CYB5A: variants seen among roughly 807,000 people sequenced by gnomAD.
CYB5A encodes the protein cytochrome b5 type A.
In CYB5A, 10 loss-of-function variants were observed where a neutral mutation model predicts 16.2. The observed-to-expected ratio is 0.62, with a 90% CI of 0.38 to 1.04. CYB5A has a LOEUF of 1.04. Among genes scored for constraint, CYB5A ranks in the 50% least tolerant of loss-of-function variants. CYB5A has a pLI of 0.01. For synonymous variants in CYB5A, 62 were observed against 57.0 expected, an observed-to-expected ratio of 1.09 and a Z score of -0.40; for missense variants, 161 against 165.9, an observed-to-expected ratio of 0.97 and a Z score of 0.16.
chr18:74,253,135 G>A lies in CYB5A; in HGVS notation c.*449C>T, dbSNP rs569468980. On this transcript the variant is annotated 3_prime_UTR_variant, in exon 5 of 5. Transcript: ENST00000340533. ...AGCATACAATACATGGTTACTCAAT[G>A]AGATGTGACGATGTGAAAGGAGACA... 9.8e-6 allele frequency: 2 copies of A among 203,282 alleles called. No homozygotes were observed. The highest frequency in any genetic ancestry group is 4.7e-5 in the African/African-American group (2 of 42,194). The allele number at this position is 203,282 out of a possible 1,614,324, so 12.6% of individuals were successfully genotyped here.
intron 1 of CYB5A, among the ~76,000 whole-genome samples, chr18:74,284,968 C>G (rs1177600918): frequency 6.6e-6 from 1 of 152,200 alleles, no homozygotes; most frequent in Non-Finnish European, 1.5e-5. Context: ...CTCACCCTCC[C>G]GGTCCCCATG....
At chr18:74,283,096 C>T (rs988205893) in intron 1 of CYB5A, among the ~76,000 whole-genome samples, 5 of 152,138 alleles carry the variant, frequency 3.3e-5, no homozygotes, top group African/African-American at 1.2e-4. Flanking sequence ...GAGGCCACAC[C>T]AGGGCATCTG....
chr18:74,255,939 C>A, intron 3 of CYB5A, 164 bp from the exon 4 acceptor site: 1 of 611,514 alleles, frequency 1.6e-6, no homozygotes, highest in Non-Finnish European at 2.9e-6. Context: ...AAATGCCTAA[C>A]TTTGTTTTCT....
At chr18:74,285,874 G>A (rs1983300662) in intron 1 of CYB5A, among the ~76,000 whole-genome samples, 1 of 149,148 alleles carries the variant, frequency 6.7e-6, no homozygotes, top group Non-Finnish European at 1.5e-5. Context: ...AAGTAGAAGT[G>A]TACATCCTTT....
At chr18:74,266,554 AG>A (rs1982443244) in intron 1 of CYB5A, among the ~76,000 whole-genome samples, 1 of 152,230 alleles carries the variant, frequency 6.6e-6, no homozygotes, top group East Asian at 1.9e-4. Flanking sequence ...TGATCTTTAC[AG>A]TGCTAAAATG....
chr18:74,263,216 T>A, intron 2 of CYB5A, 133 bp downstream of exon 2: 1 of 1,113,086 alleles, frequency 9.0e-7, no homozygotes, highest in Non-Finnish European at 1.3e-6. Flanking sequence ...TAACAAAAAA[T>A]GGTGTCCTAA....
In CYB5A at chr18:74,251,898, G is replaced by T. The variant is rs941242946; in HGVS notation, c.*1686C>A. ...TGCTATTACTCAACATCTTAAAAAT[G>T]ATTTACAAGTTAACCCTTTAATGTC... On this transcript the variant is annotated 3_prime_UTR_variant, in exon 5 of 5. Transcript: ENST00000340533. 1 of 152,170 alleles carries T rather than the reference G, an allele frequency of 6.6e-6. No homozygotes were observed. Among genetic ancestry groups the T allele is most frequent in the African/African-American group, 2.4e-5 (1 of 41,438 alleles). 9.4% of individuals were successfully genotyped at this position (152,170 alleles called of 1,614,324 possible).
At position 74,273,947 on chromosome 18, in the gene CYB5A, G is replaced by A. The variant is rs955726101; in HGVS notation, c.130-10470C>T. Among the ~76,000 whole-genome samples, 15 of 152,312 alleles carry A rather than the reference G, an allele frequency of 9.8e-5. No homozygotes were observed. In the South Asian group the frequency reaches 1.9e-3, roughly 19 times the overall value. On this transcript the variant is annotated intron_variant, in intron 1 of 4. Coordinates refer to ENST00000340533, the MANE Select transcript of CYB5A (RefSeq NM_148923.4). ...TATTGGCATGCTCCATGGATGGCAC[G>A]CCCAGGACTGTTCACATGGCACAGC...
chr18:74,263,733 C>T (rs1305498619), intron 1 of CYB5A, among the ~76,000 whole-genome samples: 1 of 148,994 alleles, frequency 6.7e-6, no homozygotes, highest in Non-Finnish European at 1.5e-5. Context: ...ATTGTGAGAC[C>T]CCATAACTAT....
At chr18:74,287,842 A>T (rs967440615) in intron 1 of CYB5A, among the ~76,000 whole-genome samples, 1 of 152,222 alleles carries the variant, frequency 6.6e-6, no homozygotes, top group African/African-American at 2.4e-5. Context: ...TAAAAACTGA[A>T]TAGATGCTGC....
chr18:74,265,536 T>G (rs1317099458), intron 1 of CYB5A, among the ~76,000 whole-genome samples: 1 of 152,258 alleles, frequency 6.6e-6, no homozygotes, highest in Non-Finnish European at 1.5e-5. Context: ...CAGTAACTAT[T>G]ACCCAGCATT....
chr18:74,281,856 G>A (rs1360120418), intron 1 of CYB5A, among the ~76,000 whole-genome samples: 2 of 151,474 alleles, frequency 1.3e-5, no homozygotes, highest in Non-Finnish European at 2.9e-5. Context: ...TGCAGGAAAG[G>A]AGAAAACAGC....
At chr18:74,277,479 C>T (rs1025576822) in intron 1 of CYB5A, among the ~76,000 whole-genome samples, 10 of 152,228 alleles carry the variant, frequency 6.6e-5, no homozygotes, top group African/African-American at 2.4e-4. Context: ...CCCACAAACT[C>T]ATTCAAACAT....
At chr18:74,289,318 T>C (rs939700394) in intron 1 of CYB5A, among the ~76,000 whole-genome samples, 15 of 152,156 alleles carry the variant, frequency 9.9e-5, no homozygotes, top group African/African-American at 2.9e-4. Context: ...TGAAAGTAAA[T>C]AGTTTTGAGT....
At chr18:74,256,770 C>A in intron 3 of CYB5A, 2 of 1,520,930 alleles carry the variant, frequency 1.3e-6, no homozygotes, top group Non-Finnish European at 9.1e-7. Context: ...GAGAAACTCC[C>A]GTGAAAAGAC....
chr18:74,267,614 C>T (rs759725831), intron 1 of CYB5A, among the ~76,000 whole-genome samples: 6 of 151,900 alleles, frequency 3.9e-5, no homozygotes, highest in East Asian at 1.9e-4. Context: ...TTGGGGGTGG[C>T]CTGAAGAAAA....
chr18:74,263,270 C>T (rs1599250460), intron 2 of CYB5A, 79 bp downstream of exon 2: 1 of 1,560,000 alleles, frequency 6.4e-7, no homozygotes, highest in Non-Finnish European at 8.8e-7. Context: ...AATGTGTATA[C>T]ATGCAAGCTT....
intron 1 of CYB5A, among the ~76,000 whole-genome samples, chr18:74,286,123 A>G (rs1558949): frequency 0.26 from 39,111 of 152,160 alleles, 6,802 homozygotes; most frequent in African/African-American, 0.49. Flanking sequence ...AAGCACATCC[A>G]CGAGCAAGGT....
At chr18:74,266,919 T>C (rs1478021872) in intron 1 of CYB5A, among the ~76,000 whole-genome samples, 2 of 151,906 alleles carry the variant, frequency 1.3e-5, no homozygotes, top group South Asian at 2.1e-4. Flanking sequence ...ATCTTAATAA[T>C]TGGTAGGAAA....
Sources: allele counts gnomAD v4.1 joint callset (sites outside exome capture counted in the v4.1 genomes callset), GRCh38; gene constraint gnomAD v4.1.1; transcripts MANE v1.5; gene names NCBI Gene and HGNC (gene_info 2026-07-23, HGNC 2026-07-21).